CLNK: variants seen among roughly 807,000 people sequenced by gnomAD.
CLNK encodes the protein cytokine-dependent hematopoietic cell linker.
A neutral mutation model predicts 68.6 loss-of-function variants in CLNK; 74 were observed. The ratio of observed to expected loss-of-function variants is 1.08; its 90% CI spans 0.89 to 1.31. The LOEUF (loss-of-function observed/expected upper bound fraction) is 1.31. CLNK is among the 50% of genes most tolerant of loss of function. The pLI is 0.00. For missense variants in CLNK, 553 were observed against 515.3 expected, an observed-to-expected ratio of 1.07 and a Z score of -0.71; for synonymous variants, 198 against 172.2, an observed-to-expected ratio of 1.15 and a Z score of -1.17.
chr4:10,727,843 A>G, the CLNK span, among the ~76,000 whole-genome samples: 8 of 152,252 alleles, frequency 5.3e-5, no homozygotes, highest in African/African-American at 1.9e-4. Flanking sequence ...AAATCATCTG[A>G]TAACTTATAA....
intron 2 of CLNK, among the ~76,000 whole-genome samples, chr4:10,662,422 C>T (rs560752225): frequency 1.2e-4 from 18 of 152,276 alleles, no homozygotes; most frequent in African/African-American, 3.6e-4. Context: ...TTATTAAACA[C>T]GCTAATATTT....
chr4:10,541,301 C>T (rs914819948), intron 10 of CLNK, among the ~76,000 whole-genome samples: 1 of 151,598 alleles, frequency 6.6e-6, no homozygotes, highest in African/African-American at 2.4e-5. Flanking sequence ...TGTTATTCAC[C>T]CATTCACTCA....
At chr4:10,699,087 C>T in the CLNK span, among the ~76,000 whole-genome samples, 2 of 151,904 alleles carry the variant, frequency 1.3e-5, no homozygotes, top group African/African-American at 2.4e-5. Context: ...TGGAACTACA[C>T]GTCAGGTTTC....
intron 2 of CLNK, among the ~76,000 whole-genome samples, chr4:10,616,715 G>A (rs1290889493): frequency 2.7e-5 from 4 of 150,608 alleles, no homozygotes; most frequent in Non-Finnish European, 5.9e-5. Context: ...ATTATTATTT[G>A]TAAATTATGT....
At chr4:10,637,744 G>A (rs912297946) in intron 2 of CLNK, among the ~76,000 whole-genome samples, 3 of 148,842 alleles carry the variant, frequency 2.0e-5, no homozygotes, top group Admixed American at 6.7e-5. Flanking sequence ...ACAGGTGCCC[G>A]CCACCAGGCC....
In CLNK at chr4:10,539,039, C is replaced by T. The variant is rs61142122; in HGVS notation, c.602+1455G>A. On this transcript the variant is annotated intron_variant, in intron 11 of 18. Coordinates refer to ENST00000226951, the MANE Select transcript of CLNK (RefSeq NM_052964.4). ...AAGCCGAGCAGATGCCAGAATCATG[C>T]TTCCTGTGCAGCCCATGGAATTGTA... Among the ~76,000 whole-genome samples the T allele has an allele frequency of 8.1e-3, 1,229 of 152,326 alleles. 17 individuals carry two copies. The highest frequency in any genetic ancestry group is 0.047 in the East Asian group (244 of 5,194).
At chr4:10,522,135 G>A (rs1430600492) in intron 14 of CLNK, among the ~76,000 whole-genome samples, 1 of 151,810 alleles carries the variant, frequency 6.6e-6, no homozygotes, top group Non-Finnish European at 1.5e-5. Flanking sequence ...GTGGGCACCT[G>A]TAGTCCCAGC....
At chr4:10,618,377 G>A (rs972244661) in intron 2 of CLNK, among the ~76,000 whole-genome samples, 3 of 152,146 alleles carry the variant, frequency 2.0e-5, no homozygotes, top group African/African-American at 7.2e-5. Flanking sequence ...GTGGGGGACT[G>A]GGATCAACCA....
chr4:10,495,643 G>C (rs1188278127), intron 18 of CLNK, among the ~76,000 whole-genome samples: 3 of 152,136 alleles, frequency 2.0e-5, no homozygotes, highest in Non-Finnish European at 4.4e-5. Flanking sequence ...ATTTTACATG[G>C]TATAATACAG....
At chr4:10,524,225 C>CA (rs1278085096) in intron 14 of CLNK, among the ~76,000 whole-genome samples, 2 of 151,726 alleles carry the variant, frequency 1.3e-5, no homozygotes, top group Non-Finnish European at 2.9e-5. Flanking sequence ...ACCCACAGGC[C>CA]AAGAAATGAG....
chr4:10,526,226 A>T (rs1266205532), intron 13 of CLNK, among the ~76,000 whole-genome samples: 1 of 152,230 alleles, frequency 6.6e-6, no homozygotes, highest in East Asian at 1.9e-4. Flanking sequence ...TGGACCCGTG[A>T]TTTTAAAAGA....
chr4:10,675,821 T>C (rs990586209), intron 1 of CLNK, among the ~76,000 whole-genome samples: 1 of 152,096 alleles, frequency 6.6e-6, no homozygotes, highest in Non-Finnish European at 1.5e-5. Context: ...AGGTAGGAGG[T>C]AGTTGTGCAA....
intron 2 of CLNK, among the ~76,000 whole-genome samples, chr4:10,663,492 T>G (rs1724273485): frequency 6.6e-6 from 1 of 152,200 alleles, no homozygotes; most frequent in Non-Finnish European, 1.5e-5. Flanking sequence ...GTATACTCAA[T>G]AAATAAATTT....
At chr4:10,542,106 G>C (rs1326406295) in intron 9 of CLNK, 65 bp from the exon 10 acceptor site, 1 of 1,380,156 alleles carries the variant, frequency 7.2e-7, no homozygotes, top group Non-Finnish European at 1.0e-6. Flanking sequence ...ATGGCTAACA[G>C]TTTTTTGGTT....
intron 7 of CLNK, among the ~76,000 whole-genome samples, chr4:10,564,106 T>TTC (rs1227842021): frequency 6.8e-6 from 1 of 147,896 alleles, no homozygotes; most frequent in African/African-American, 2.5e-5. Flanking sequence ...GATTTTTTCT[T>TTC]TTTTTTTTTT....
chr4:10,691,426 G>A, the CLNK span, among the ~76,000 whole-genome samples: 1 of 152,090 alleles, frequency 6.6e-6, no homozygotes. Context: ...GAAGTGACTG[G>A]CCACCAAGGT....
the CLNK span, among the ~76,000 whole-genome samples, chr4:10,714,776 GA>G: frequency 2.0e-5 from 3 of 151,788 alleles, no homozygotes; most frequent in Non-Finnish European, 4.4e-5. Context: ...AAATCTCAGT[GA>G]AAAAGGCACT....
At chr4:10,716,539 A>T in the CLNK span, among the ~76,000 whole-genome samples, 1 of 152,188 alleles carries the variant, frequency 6.6e-6, no homozygotes, top group South Asian at 2.1e-4. Flanking sequence ...GTTCCCTGAG[A>T]TTTCTTTCTG....
Position 10,540,602 on chromosome 4 carries a change from G to T in CLNK, c.494C>A (p.Pro165His). The T allele has an allele frequency of 1.2e-6, 2 of 1,612,000 alleles. No homozygotes were observed. The highest frequency in any genetic ancestry group is 1.7e-6 in the Non-Finnish European group (2 of 1,178,162). ...GTACTTCTTCGGAAGTGTTATGAGAGGCCTGTGTGGAGAGTCGCAGTAGGG... is the reference window on the plus strand; with the variant it reads ...GTACTTCTTCGGAAGTGTTATGAGATGCCTGTGTGGAGAGTCGCAGTAGGG... ...KNKIPLPPPR[P>H]LITLPKKYQP... The change falls in exon 11 of 19, where the codon CCT becomes CAT. Residue 165 changes from proline to histidine, a missense_variant and splice_region_variant. Transcript: ENST00000226951.
Sources: allele counts gnomAD v4.1 joint callset (sites outside exome capture counted in the v4.1 genomes callset), GRCh38; gene constraint gnomAD v4.1.1; transcripts MANE v1.5; gene names NCBI Gene and HGNC (gene_info 2026-07-23, HGNC 2026-07-21).